Variants in ERBB4 observed in about 807,000 individuals in gnomAD.
ERBB4 encodes erb-b2 receptor tyrosine kinase 4.
A neutral mutation model predicts 158.0 loss-of-function variants in ERBB4; 42 were observed. That is an observed-to-expected ratio of 0.27 (90% CI 0.21 to 0.34). The LOEUF is 0.34. ERBB4 is among the 10% of genes least tolerant of loss of function. The pLI, the probability that ERBB4 is intolerant of heterozygous loss-of-function variation, is 1.00. For missense variants in ERBB4, 1,333 were observed against 1,624.1 expected, an observed-to-expected ratio of 0.82 and a Z score of 3.08; for synonymous variants, 583 against 558.7, an observed-to-expected ratio of 1.04 and a Z score of -0.61.
intron 14 of ERBB4, among the ~76,000 whole-genome samples, chr2:211,666,588 T>A (rs1008260065): frequency 2.6e-5 from 4 of 152,082 alleles, no homozygotes; most frequent in Non-Finnish European, 4.4e-5. Flanking sequence ...GCAAAGAAAA[T>A]TTAGAACACT....
intron 20 of ERBB4, among the ~76,000 whole-genome samples, chr2:211,548,254 C>A (rs898558012): frequency 1.1e-4 from 17 of 151,238 alleles, no homozygotes; most frequent in African/African-American, 3.6e-4. Context: ...CAACCAGGTG[C>A]TTTATCACCG....
At chr2:211,544,229 C>T (rs1355752190) in intron 20 of ERBB4, among the ~76,000 whole-genome samples, 2 of 152,034 alleles carry the variant, frequency 1.3e-5, no homozygotes, top group Non-Finnish European at 2.9e-5. Context: ...ATTATATTGA[C>T]ATACATAGTC....
intron 1 of ERBB4, among the ~76,000 whole-genome samples, chr2:212,216,485 T>A (rs923747289): frequency 8.6e-5 from 13 of 151,512 alleles, no homozygotes; most frequent in Non-Finnish European, 1.5e-4. Flanking sequence ...TGATTTTTTA[T>A]CTTGTAGTTC....
At chr2:212,056,228 A>C (rs2077563598) in intron 2 of ERBB4, among the ~76,000 whole-genome samples, 2 of 152,234 alleles carry the variant, frequency 1.3e-5, no homozygotes, top group Admixed American at 1.3e-4. Context: ...AGTTTAGAGA[A>C]AAAAGAGTAA....
chr2:211,644,713 TC>T (rs1193246065), intron 16 of ERBB4, among the ~76,000 whole-genome samples: 4 of 152,094 alleles, frequency 2.6e-5, no homozygotes, highest in African/African-American at 9.6e-5. Flanking sequence ...TTTATGGACA[TC>T]CAGCAGAAGA....
intron 1 of ERBB4, among the ~76,000 whole-genome samples, chr2:212,392,724 C>A (rs905770999): frequency 7.2e-5 from 11 of 152,038 alleles, no homozygotes; most frequent in African/African-American, 2.7e-4. Flanking sequence ...TTTCTGTGCA[C>A]ATCTTTTTTG....
chr2:212,507,210 GA>G (rs537942260), intron 1 of ERBB4, among the ~76,000 whole-genome samples: 195 of 137,520 alleles, frequency 1.4e-3, no homozygotes, highest in Middle Eastern at 3.8e-3. Context: ...CTATTGCTCA[GA>G]AAAAAAAAAA....
At chr2:212,481,867 T>C (rs180888119) in intron 1 of ERBB4, among the ~76,000 whole-genome samples, 2 of 152,348 alleles carry the variant, frequency 1.3e-5, no homozygotes, top group Admixed American at 6.5e-5. Flanking sequence ...GATTGACATA[T>C]TGCATGTTTA....
chr2:211,540,435 G>A (rs1181645635), intron 20 of ERBB4, among the ~76,000 whole-genome samples: 1 of 151,902 alleles, frequency 6.6e-6, no homozygotes, highest in East Asian at 1.9e-4. Flanking sequence ...CATCCAGGAG[G>A]GGGAACGACA....
intron 1 of ERBB4, among the ~76,000 whole-genome samples, chr2:212,457,884 G>A (rs1005402374): frequency 3.9e-5 from 6 of 151,904 alleles, no homozygotes; most frequent in South Asian, 2.1e-4. Context: ...GGCAATATCC[G>A]TAGGCACCCT....
intron 2 of ERBB4, among the ~76,000 whole-genome samples, chr2:212,058,690 C>T (rs1431804975): frequency 2.0e-5 from 3 of 152,168 alleles, no homozygotes; most frequent in East Asian, 1.9e-4. Flanking sequence ...AGACAAAAAT[C>T]GCATGATTAT....
At chr2:211,632,382 C>G (rs2070175930) in intron 16 of ERBB4, among the ~76,000 whole-genome samples, 1 of 151,990 alleles carries the variant, frequency 6.6e-6, no homozygotes, top group South Asian at 2.1e-4. Flanking sequence ...TGAAAAGTCA[C>G]TGTTATTGAA....
At chr2:212,048,286 T>G (rs1215540579) in intron 2 of ERBB4, among the ~76,000 whole-genome samples, 1 of 152,168 alleles carries the variant, frequency 6.6e-6, no homozygotes, top group East Asian at 1.9e-4. Flanking sequence ...CTGGAGTATT[T>G]AAGTGGTGGA....
chr2:211,459,562 A>G (rs1242822729), intron 20 of ERBB4, among the ~76,000 whole-genome samples: 1 of 152,148 alleles, frequency 6.6e-6, no homozygotes, highest in Non-Finnish European at 1.5e-5. Flanking sequence ...TTTCCCCCAT[A>G]TTGCTCACAT....
intron 2 of ERBB4, among the ~76,000 whole-genome samples, chr2:212,080,559 T>C (rs2078409022): frequency 6.6e-6 from 1 of 151,392 alleles, no homozygotes. Context: ...GTTTTGGTTT[T>C]TAAAGACCAT....
chr2:212,287,756 C>A (rs2086051247), intron 1 of ERBB4, among the ~76,000 whole-genome samples: 1 of 152,190 alleles, frequency 6.6e-6, no homozygotes. Flanking sequence ...GACATTATGT[C>A]CTTTGCAGGG....
intron 1 of ERBB4, among the ~76,000 whole-genome samples, chr2:212,296,596 C>T (rs1281049579): frequency 1.3e-5 from 2 of 151,942 alleles, no homozygotes; most frequent in African/African-American, 4.8e-5. Context: ...ATAATTTGCA[C>T]ACTCCCTTCC....
At chr2:212,264,624 A>G (rs1399985952) in intron 1 of ERBB4, among the ~76,000 whole-genome samples, 2 of 152,270 alleles carry the variant, frequency 1.3e-5, no homozygotes, top group South Asian at 2.1e-4. Flanking sequence ...TGATTACATT[A>G]AGGATGTTAT....
chr2:212,420,448 T>C (rs1350140401), intron 1 of ERBB4, among the ~76,000 whole-genome samples: 1 of 152,158 alleles, frequency 6.6e-6, no homozygotes, highest in South Asian at 2.1e-4. Context: ...GAAACCATAA[T>C]GTCTGCCTTA....
Sources: allele counts gnomAD v4.1 joint callset (sites outside exome capture counted in the v4.1 genomes callset), GRCh38; gene constraint gnomAD v4.1.1; transcripts MANE v1.5; gene names NCBI Gene and HGNC (gene_info 2026-07-23, HGNC 2026-07-21).